Variants in MTUS2 observed in about 807,000 individuals in gnomAD.
MTUS2 encodes the protein microtubule-associated tumor suppressor candidate 2.
Under a neutral mutation model 114.1 loss-of-function variants are expected in MTUS2, and 40 were observed. That is an observed-to-expected ratio of 0.35 (90% CI 0.27 to 0.46). The LOEUF is 0.46. MTUS2 is among the 20% of genes least tolerant of loss of function. The pLI is 1.00. For missense variants in MTUS2, 1,679 were observed against 1,705.4 expected (o/e 0.98, Z 0.27); for synonymous variants, 688 against 672.0 (o/e 1.02, Z -0.37).
intron 2 of MTUS2, among the ~76,000 whole-genome samples, chr13:28,945,231 A>G (rs1018552716): frequency 2.2e-4 from 34 of 151,664 alleles, no homozygotes; most frequent in African/African-American, 7.3e-4. Flanking sequence ...CTGCTGATGG[A>G]CACTTAGGTT....
At chr13:29,021,580 G>T (rs1886292393) in intron 2 of MTUS2, among the ~76,000 whole-genome samples, 1 of 152,146 alleles carries the variant, frequency 6.6e-6, no homozygotes, top group Non-Finnish European at 1.5e-5. Flanking sequence ...GCTCTTGGCT[G>T]CATATTTATA....
chr13:29,085,622 C>CT (rs904860706), intron 4 of MTUS2, among the ~76,000 whole-genome samples: 31 of 152,136 alleles, frequency 2.0e-4, no homozygotes, highest in Middle Eastern at 3.2e-3. Context: ...TGATCTTGTT[C>CT]TTTTTTTGTG....
chr13:29,425,364 C>T (rs1876434441), intron 8 of MTUS2, among the ~76,000 whole-genome samples: 1 of 152,042 alleles, frequency 6.6e-6, no homozygotes, highest in African/African-American at 2.4e-5. Flanking sequence ...TGAGATGGCA[C>T]CACTGCACTC....
At chr13:29,138,271 T>C (rs1431160364) in intron 5 of MTUS2, among the ~76,000 whole-genome samples, 1 of 152,058 alleles carries the variant, frequency 6.6e-6, no homozygotes, top group African/African-American at 2.4e-5. Flanking sequence ...CCCCAGGAAG[T>C]TGTAAGCCTT....
At chr13:29,318,391 C>CTTTTCTTTTTTTTCTTTTTT (rs1900103994) in intron 6 of MTUS2, among the ~76,000 whole-genome samples, 1 of 135,038 alleles carries the variant, frequency 7.4e-6, no homozygotes, top group Non-Finnish European at 1.5e-5. Context: ...ATTTCTTTTT[C>CTTTTCTTTTTTTTCTTTTTT]TTTTTTTTTT....
At chr13:29,229,408 A>G (rs577781144) in intron 5 of MTUS2, among the ~76,000 whole-genome samples, 70 of 152,278 alleles carry the variant, frequency 4.6e-4, no homozygotes, top group African/African-American at 1.7e-3. Flanking sequence ...GACACTTTTA[A>G]TATGTACGAT....
At chr13:29,389,479 A>T in intron 8 of MTUS2, among the ~76,000 whole-genome samples, 1 of 139,246 alleles carries the variant, frequency 7.2e-6, no homozygotes, top group East Asian at 2.1e-4. Context: ...ATATGTATAC[A>T]CGTGTGTGTA....
chr13:29,027,446 C>T (rs925172221), intron 3 of MTUS2, among the ~76,000 whole-genome samples: 2 of 152,238 alleles, frequency 1.3e-5, no homozygotes, highest in African/African-American at 4.8e-5. Context: ...CAGCTCTACA[C>T]TGGGCCCATA....
intron 8 of MTUS2, among the ~76,000 whole-genome samples, chr13:29,382,675 C>G (rs548786720): frequency 6.6e-6 from 1 of 152,310 alleles, no homozygotes; most frequent in South Asian, 2.1e-4. Context: ...TCAACATTTG[C>G]TTTAAGAAGT....
In MTUS2 at chr13:29,358,392, C is replaced by A. The variant is rs144414503; in HGVS notation, c.2906-870C>A. 3.9e-3 allele frequency among the ~76,000 whole-genome samples: 590 copies of A among 152,350 alleles called. 2 individuals carry two copies. The highest frequency in any genetic ancestry group is 0.011 in the Admixed American group (162 of 15,310). Reference sequence around the variant, plus strand: ...CCAAAACCCTGTCCTCAACCCCAGGCAGAGCTCCTTGCCCCGTCTTCTGTG... The same window carrying A: ...CCAAAACCCTGTCCTCAACCCCAGGAAGAGCTCCTTGCCCCGTCTTCTGTG... On this transcript the variant is annotated intron_variant, in intron 7 of 15. Coordinates refer to ENST00000612955, the MANE Select transcript of MTUS2 (RefSeq NM_001033602.4).
intron 4 of MTUS2, among the ~76,000 whole-genome samples, chr13:29,098,284 T>G (rs1890259874): frequency 6.6e-6 from 1 of 152,216 alleles, no homozygotes; most frequent in Non-Finnish European, 1.5e-5. Flanking sequence ...GGAATAAGAC[T>G]TGCTTCTGCA....
At chr13:28,921,829 T>C (rs1881057381) in intron 2 of MTUS2, among the ~76,000 whole-genome samples, 2 of 152,114 alleles carry the variant, frequency 1.3e-5, no homozygotes, top group South Asian at 4.1e-4. Context: ...GAGATCAAAG[T>C]AAAGTCTCAT....
chr13:28,923,075 T>C (rs1009414891), intron 2 of MTUS2, among the ~76,000 whole-genome samples: 5 of 152,238 alleles, frequency 3.3e-5, no homozygotes, highest in African/African-American at 1.2e-4. Flanking sequence ...ATTTTATTGA[T>C]TTGTTCTAAA....
Position 29,299,460 on chromosome 13 carries a change from C to G in MTUS2, c.2806+17595C>G, listed in dbSNP as rs537594764. On this transcript the variant is annotated intron_variant, in intron 6 of 15. Coordinates refer to ENST00000612955, the MANE Select transcript of MTUS2 (RefSeq NM_001033602.4). ...AATAAGGTGGACACAGTCCTTGTCC[C>G]TGTGGAGCTGATGGGGGTCACAGGA... Among the ~76,000 whole-genome samples, 218 of 152,326 alleles carry G rather than the reference C, an allele frequency of 1.4e-3. 1 individual carries two copies. The highest frequency in any genetic ancestry group is 4.6e-3 in the African/African-American group (193 of 41,570).
chr13:29,257,286 A>C lies in MTUS2; in HGVS notation c.2645-24418A>C, dbSNP rs369132503. On this transcript the variant is annotated intron_variant, in intron 5 of 15. Transcript: ENST00000612955. ...CTTCAGAATGGAGTCCAAACTCCCT[A>C]ATGCCACCACATGGGGTGTGGAAAG... is the stretch of plus-strand genomic sequence containing the variant. Among the ~76,000 whole-genome samples the C allele has an allele frequency of 8.5e-5, 13 of 152,292 alleles. No homozygotes were observed. The East Asian group carries it at 2.3e-3, about 27-fold the overall frequency.
intron 9 of MTUS2, among the ~76,000 whole-genome samples, chr13:29,455,224 G>T (rs1879018886): frequency 6.6e-6 from 1 of 152,220 alleles, no homozygotes; most frequent in African/African-American, 2.4e-5. Flanking sequence ...GAGCCCCAGG[G>T]ATTACATGGG....
chr13:29,286,989 T>G (rs1257616011), intron 6 of MTUS2, among the ~76,000 whole-genome samples: 2 of 152,200 alleles, frequency 1.3e-5, no homozygotes, highest in African/African-American at 4.8e-5. Context: ...AGCCATGCAC[T>G]CTTGATAACA....
chr13:29,298,440 A>G (rs956200370), intron 6 of MTUS2, among the ~76,000 whole-genome samples: 3 of 152,218 alleles, frequency 2.0e-5, no homozygotes, highest in Non-Finnish European at 4.4e-5. Context: ...ATTTCTGGTC[A>G]TACTGTAATT....
intron 5 of MTUS2, among the ~76,000 whole-genome samples, chr13:29,204,781 C>T (rs1386274945): frequency 7.9e-5 from 12 of 152,228 alleles, no homozygotes; most frequent in African/African-American, 1.4e-4. Context: ...GCCGGGACCA[C>T]GTGTACACAG....
Sources: gnomAD v4.1 joint callset for allele counts (sites outside exome capture counted in the v4.1 genomes callset) on GRCh38, gnomAD v4.1.1 for gene constraint, MANE v1.5 for transcripts, NCBI Gene and HGNC (gene_info 2026-07-23, HGNC 2026-07-21) for gene names.